DLGAP1: variants seen among roughly 807,000 people sequenced by gnomAD.
DLGAP1 encodes DLG associated protein 1.
In DLGAP1, 11 loss-of-function variants were observed where a neutral mutation model predicts 90.8. The observed-to-expected ratio is 0.12, with a 90% CI of 0.08 to 0.20. DLGAP1 has a LOEUF of 0.20. Among genes scored for constraint, DLGAP1 ranks in the 10% least tolerant of loss-of-function variants. The probability of loss-of-function intolerance (pLI) is 1.00; values close to 1 mark genes in which losing one functional copy is unlikely to be tolerated. For synonymous variants in DLGAP1, 558 were observed against 540.7 expected (o/e 1.03, Z -0.44); for missense variants, 1,050 against 1,333.8 (o/e 0.79, Z 3.31).
At chr18:3,965,279 A>G (rs1248728485) in intron 3 of DLGAP1, among the ~76,000 whole-genome samples, 3 of 152,202 alleles carry the variant, frequency 2.0e-5, no homozygotes, top group Non-Finnish European at 4.4e-5. Context: ...GAGGACCTGA[A>G]TGAAAGACTT....
intron 2 of DLGAP1, among the ~76,000 whole-genome samples, chr18:4,026,823 A>G (rs768905821): frequency 9.9e-5 from 15 of 152,236 alleles, no homozygotes; most frequent in Non-Finnish European, 1.6e-4. Flanking sequence ...AAAATTAATT[A>G]TAAATTGGCA....
chr18:4,265,698 T>TTCCTTCCTTCCC (rs1568480430), intron 1 of DLGAP1, among the ~76,000 whole-genome samples: 3 of 118,016 alleles, frequency 2.5e-5, no homozygotes, highest in African/African-American at 1.2e-4. Flanking sequence ...CCTTCCTTCC[T>TTCCTTCCTTCCC]TCCCTCCTCT....
chr18:4,251,386 C>A (rs547440558), intron 1 of DLGAP1, among the ~76,000 whole-genome samples: 6 of 152,156 alleles, frequency 3.9e-5, no homozygotes, highest in Non-Finnish European at 7.3e-5. Context: ...CAGTGAGTTG[C>A]GGGCAGGCAA....
intron 1 of DLGAP1, among the ~76,000 whole-genome samples, chr18:4,449,821 C>A (rs943576215): frequency 6.6e-6 from 1 of 152,160 alleles, no homozygotes; most frequent in African/African-American, 2.4e-5. Flanking sequence ...AAAGAGGGAA[C>A]AATGTAAGAA....
chr18:4,328,513 G>A (rs1598910142), intron 1 of DLGAP1, among the ~76,000 whole-genome samples: 1 of 151,670 alleles, frequency 6.6e-6, no homozygotes, highest in Non-Finnish European at 1.5e-5. Context: ...AAGAACATTT[G>A]AAAACAAGTC....
chr18:4,065,840 A>C (rs140941034), intron 2 of DLGAP1, among the ~76,000 whole-genome samples: 172 of 130,080 alleles, frequency 1.3e-3, no homozygotes, highest in African/African-American at 5.3e-3. Context: ...CATGGAACAA[A>C]AAAAGGGCTT....
intron 2 of DLGAP1, among the ~76,000 whole-genome samples, chr18:4,054,354 G>A (rs573467018): frequency 6.6e-6 from 1 of 152,094 alleles, no homozygotes; most frequent in Non-Finnish European, 1.5e-5. Context: ...TTCTCAGCAT[G>A]GCAAAGTAAA....
chr18:3,511,925 C>T (rs2050566554), intron 10 of DLGAP1, among the ~76,000 whole-genome samples: 1 of 152,142 alleles, frequency 6.6e-6, no homozygotes, highest in Non-Finnish European at 1.5e-5. Flanking sequence ...CGCTAAGGGT[C>T]ATTTTGAGTG....
chr18:3,992,481 C>A (rs149819179), intron 3 of DLGAP1, among the ~76,000 whole-genome samples: 114 of 152,226 alleles, frequency 7.5e-4, no homozygotes, highest in African/African-American at 2.6e-3. Flanking sequence ...AGTTCCAGAC[C>A]AGCCTGAGCA....
chr18:3,647,565 A>C (rs1260867239), intron 7 of DLGAP1, among the ~76,000 whole-genome samples: 2 of 151,794 alleles, frequency 1.3e-5, no homozygotes, highest in Non-Finnish European at 2.9e-5. Context: ...TCTGGGGTTC[A>C]AGCGATTCTC....
Position 3,818,462 on chromosome 18 carries a change from C to T in DLGAP1, c.958-4189G>A, listed in dbSNP as rs147661002. ...GCAACCTCCACCTCCCAGGTTCAAG[C>T]GATTCTCTTGCCTCAGCTTCTTGAG... On this transcript the variant is annotated intron_variant, in intron 4 of 12. Transcript: ENST00000315677. Among the ~76,000 whole-genome samples, 724 of 145,518 alleles carry T rather than the reference C, an allele frequency of 5.0e-3. 11 individuals are homozygous for T. Among genetic ancestry groups the T allele is most frequent in the African/African-American group, 0.018 (697 of 39,314 alleles).
chr18:4,045,787 CT>C (rs35705949), intron 2 of DLGAP1, among the ~76,000 whole-genome samples: 36,059 of 132,158 alleles, frequency 0.27, 5,394 homozygotes, highest in East Asian at 0.45. Flanking sequence ...ATCTTTAAAA[CT>C]TTTTTTTTTT....
intron 7 of DLGAP1, chr18:3,594,534 G>A (rs868115510): frequency 6.6e-6 from 1 of 152,120 alleles, no homozygotes. Context: ...CTTGTCTTCC[G>A]AAAAGTATGA....
intron 1 of DLGAP1, among the ~76,000 whole-genome samples, chr18:4,450,714 G>A (rs2083803115): frequency 1.3e-5 from 2 of 152,174 alleles, no homozygotes; most frequent in Non-Finnish European, 2.9e-5. Flanking sequence ...TTACAAATCT[G>A]ATAAGAAAAC....
At chr18:4,166,330 C>G (rs2102985) in intron 1 of DLGAP1, among the ~76,000 whole-genome samples, 16,012 of 152,140 alleles carry the variant, frequency 0.11, 1,056 homozygotes, top group East Asian at 0.27. Flanking sequence ...GTTACTACTT[C>G]ATACCCATTA....
At chr18:4,089,940 G>A (rs1256969846) in intron 2 of DLGAP1, among the ~76,000 whole-genome samples, 3 of 152,172 alleles carry the variant, frequency 2.0e-5, no homozygotes, top group African/African-American at 7.2e-5. Flanking sequence ...AGCTACTCAG[G>A]AGACTGAGGC....
At chr18:3,763,478 A>G (rs951399007) in intron 5 of DLGAP1, among the ~76,000 whole-genome samples, 1 of 152,164 alleles carries the variant, frequency 6.6e-6, no homozygotes, top group Admixed American at 6.5e-5. Context: ...GTATATATAC[A>G]TCTATCCTAT....
chr18:3,821,342 A>G (rs1044585233), intron 4 of DLGAP1, among the ~76,000 whole-genome samples: 3 of 151,754 alleles, frequency 2.0e-5, no homozygotes, highest in Admixed American at 1.3e-4. Context: ...AGGTCATAAT[A>G]ATTGGTAGAA....
intron 1 of DLGAP1, among the ~76,000 whole-genome samples, chr18:4,161,824 A>G (rs1370513902): frequency 6.6e-6 from 1 of 152,154 alleles, no homozygotes; most frequent in Non-Finnish European, 1.5e-5. Context: ...GGTTGATGGA[A>G]GTTTATCATG....
Sources: allele counts gnomAD v4.1 joint callset (sites outside exome capture counted in the v4.1 genomes callset), GRCh38; gene constraint gnomAD v4.1.1; transcripts MANE v1.5; gene names NCBI Gene and HGNC (gene_info 2026-07-23, HGNC 2026-07-21).